Variants in ME3 observed in about 807,000 individuals in gnomAD.
ME3 encodes malic enzyme 3.
Under a neutral mutation model 68.9 loss-of-function variants are expected in ME3, and 48 were observed. The ratio of observed to expected loss-of-function variants is 0.70; its 90% CI spans 0.55 to 0.89. ME3 has a LOEUF of 0.89. Among genes scored for constraint, ME3 ranks in the 40% least tolerant of loss-of-function variants. The probability of loss-of-function intolerance (pLI) is 0.00; values close to 1 mark genes in which losing one functional copy is unlikely to be tolerated. For missense variants in ME3, 675 were observed against 797.4 expected, an observed-to-expected ratio of 0.85 and a Z score of 1.85; for synonymous variants, 320 against 318.8, an observed-to-expected ratio of 1.00 and a Z score of -0.04.
chr11:86,446,267 C>T (rs1949281721), intron 13 of ME3, 47 bp downstream of exon 13: 2 of 1,600,300 alleles, frequency 1.2e-6, no homozygotes, highest in South Asian at 1.1e-5. Context: ...CCAGTGTCAA[C>T]CCACAGACCC....
intron 6 of ME3, among the ~76,000 whole-genome samples, chr11:86,488,793 T>A (rs1435604318): frequency 6.6e-6 from 1 of 152,184 alleles, no homozygotes; most frequent in East Asian, 1.9e-4. Context: ...GCCTTCTAGG[T>A]GCTGACAGGT....
At chr11:86,472,854 G>A (rs1950857614) in intron 7 of ME3, among the ~76,000 whole-genome samples, 1 of 152,206 alleles carries the variant, frequency 6.6e-6, no homozygotes, top group Non-Finnish European at 1.5e-5. Context: ...GGCCGAGGAT[G>A]GAGGGTGAAG....
At chr11:86,485,646 C>A (rs545250810) in intron 7 of ME3, among the ~76,000 whole-genome samples, 13 of 152,318 alleles carry the variant, frequency 8.5e-5, no homozygotes, top group African/African-American at 3.1e-4. Context: ...CACCCTTTCA[C>A]TGTCCCTTGT....
rs910488940 is a variant in ME3, at chr11:86,606,423, C to CCA, written c.184-46602_184-46601dup. 4.5e-4 allele frequency among the ~76,000 whole-genome samples: 69 copies of CCA among 152,250 alleles called. 1 individual carries two copies. Among genetic ancestry groups the CCA allele is most frequent in the African/African-American group, 1.4e-3 (58 of 41,550 alleles). Reference sequence around the variant, plus strand: ...TGGGTGCGTCTCTGGCCACTTAGAGCCACACACACAAGTGCCACTCAGAAC... The same window carrying CCA: ...TGGGTGCGTCTCTGGCCACTTAGAGCCACACACACACAAGTGCCACTCAGAAC... On this transcript the variant is annotated intron_variant, in intron 2 of 14. Transcript: ENST00000543262.
chr11:86,671,713 G>A, intron 2 of ME3, 49 bp downstream of exon 2: 1 of 1,586,434 alleles, frequency 6.3e-7, no homozygotes, highest in African/African-American at 1.4e-5. Flanking sequence ...GCAATTTTCC[G>A]GCAGCCACGG....
chr11:86,450,119 G>A, intron 9 of ME3, 117 bp from the exon 10 acceptor site: 1 of 971,466 alleles, frequency 1.0e-6, no homozygotes, highest in African/African-American at 1.6e-5. Context: ...ACTCCCAGGA[G>A]GCCCAATTAA....
intron 2 of ME3, among the ~76,000 whole-genome samples, chr11:86,586,183 C>T (rs911471955): frequency 2.0e-5 from 3 of 152,300 alleles, no homozygotes; most frequent in Non-Finnish European, 4.4e-5. Context: ...GGAATCCTCA[C>T]TTCCAGGTAT....
intron 6 of ME3, among the ~76,000 whole-genome samples, chr11:86,495,861 G>A (rs1170949009): frequency 6.6e-6 from 1 of 152,136 alleles, no homozygotes; most frequent in Non-Finnish European, 1.5e-5. Context: ...GTCTAAGGAG[G>A]TGCAATGACT....
At chr11:86,611,865 T>C (rs887760458) in intron 2 of ME3, among the ~76,000 whole-genome samples, 1 of 152,198 alleles carries the variant, frequency 6.6e-6, no homozygotes, top group Admixed American at 6.5e-5. Context: ...AATACACCAA[T>C]ATCAACCATT....
chr11:86,672,059 G>C, intron 1 of ME3, 101 bp from the exon 2 acceptor site: 7 of 951,256 alleles, frequency 7.4e-6, no homozygotes, highest in Non-Finnish European at 9.9e-6. Context: ...CGCCCTCTGG[G>C]AGAGGGCAGG....
intron 8 of ME3, among the ~76,000 whole-genome samples, chr11:86,459,609 G>A (rs913349594): frequency 6.6e-6 from 1 of 152,178 alleles, no homozygotes; most frequent in African/African-American, 2.4e-5. Flanking sequence ...CATTCTGGTG[G>A]TACTAGCTGA....
At chr11:86,457,182 C>T (rs1249278320) in intron 8 of ME3, among the ~76,000 whole-genome samples, 5 of 152,352 alleles carry the variant, frequency 3.3e-5, no homozygotes, top group African/African-American at 1.2e-4. Flanking sequence ...TCATTCTCAT[C>T]AGCATACAAA....
At chr11:86,505,288 C>T (rs1594213520) in intron 5 of ME3, among the ~76,000 whole-genome samples, 1 of 151,676 alleles carries the variant, frequency 6.6e-6, no homozygotes, top group South Asian at 2.1e-4. Flanking sequence ...AGAAAAAGGC[C>T]AGTGGGTAGG....
chr11:86,477,877 T>C (rs1480965828), intron 7 of ME3, among the ~76,000 whole-genome samples: 1 of 152,108 alleles, frequency 6.6e-6, no homozygotes, highest in Non-Finnish European at 1.5e-5. Flanking sequence ...CTTGCATGCA[T>C]AGGAGTTTGT....
At chr11:86,444,862 G>A (rs891739008) in intron 13 of ME3, among the ~76,000 whole-genome samples, 4 of 152,186 alleles carry the variant, frequency 2.6e-5, no homozygotes, top group Non-Finnish European at 4.4e-5. Context: ...GGCCTTTGAA[G>A]ACCATAATGT....
At chr11:86,631,674 CAAT>C (rs1221250566) in intron 2 of ME3, among the ~76,000 whole-genome samples, 5 of 152,114 alleles carry the variant, frequency 3.3e-5, no homozygotes, top group South Asian at 2.1e-4. Flanking sequence ...AAATAACAGG[CAAT>C]AATAATAACA....
At chr11:86,463,517 T>C (rs1416566929) in intron 8 of ME3, among the ~76,000 whole-genome samples, 1 of 152,200 alleles carries the variant, frequency 6.6e-6, no homozygotes, top group African/African-American at 2.4e-5. Context: ...CTTGTGTGGG[T>C]GAGGCCTGTC....
intron 5 of ME3, among the ~76,000 whole-genome samples, chr11:86,500,389 C>T (rs1952643317): frequency 6.6e-6 from 1 of 152,238 alleles, no homozygotes; most frequent in African/African-American, 2.4e-5. Context: ...TGCCCAGCTC[C>T]TCTGAATGAG....
intron 2 of ME3, among the ~76,000 whole-genome samples, chr11:86,560,135 C>A (rs1461991568): frequency 6.6e-6 from 1 of 151,838 alleles, no homozygotes; most frequent in African/African-American, 2.4e-5. Context: ...GTGTCCCCAC[C>A]CAAATCTCAT....
Sources: allele counts gnomAD v4.1 joint callset (sites outside exome capture counted in the v4.1 genomes callset), GRCh38; gene constraint gnomAD v4.1.1; transcripts MANE v1.5; gene names NCBI Gene and HGNC (gene_info 2026-07-23, HGNC 2026-07-21).